SDCCAG8: variants seen among roughly 807,000 people sequenced by gnomAD.
The protein encoded by SDCCAG8 is serologically defined colon cancer antigen 8.
A neutral mutation model predicts 101.8 loss-of-function variants in SDCCAG8; 74 were observed. That is an observed-to-expected ratio of 0.73 (90% CI 0.60 to 0.88). SDCCAG8 has a LOEUF of 0.88. Among genes scored for constraint, SDCCAG8 ranks in the 40% least tolerant of loss-of-function variants. The pLI, the probability that SDCCAG8 is intolerant of heterozygous loss-of-function variation, is 0.00. For missense variants in SDCCAG8, 787 were observed against 822.6 expected (o/e 0.96, Z 0.53); for synonymous variants, 281 against 292.9 (o/e 0.96, Z 0.41).
intron 1 of SDCCAG8, among the ~76,000 whole-genome samples, chr1:243,261,782 A>C (rs1415211830): frequency 6.6e-6 from 1 of 151,910 alleles, no homozygotes; most frequent in Non-Finnish European, 1.5e-5. Context: ...CATAAACATG[A>C]GGGGTTTTTT....
chr1:243,315,509 A>C (rs1354784407), intron 8 of SDCCAG8, among the ~76,000 whole-genome samples: 2 of 152,334 alleles, frequency 1.3e-5, no homozygotes, highest in African/African-American at 4.8e-5. Context: ...TATTTGCAGC[A>C]ACTTATTCTT....
At chr1:243,375,815 T>A (rs2077567165) in intron 12 of SDCCAG8, among the ~76,000 whole-genome samples, 1 of 152,116 alleles carries the variant, frequency 6.6e-6, no homozygotes, top group African/African-American at 2.4e-5. Flanking sequence ...AGTGGGAGCA[T>A]GGCATTTCTG....
intron 1 of SDCCAG8, among the ~76,000 whole-genome samples, chr1:243,259,992 C>A (rs866241439): frequency 1.8e-4 from 27 of 152,208 alleles, no homozygotes; most frequent in Admixed American, 5.2e-4. Context: ...CCTTGATGAT[C>A]TTGGAGCAGC....
intron 13 of SDCCAG8, among the ~76,000 whole-genome samples, chr1:243,384,216 T>A (rs750079266): frequency 1.2e-4 from 19 of 152,362 alleles, no homozygotes; most frequent in Non-Finnish European, 2.2e-4. Context: ...ATCAGTATTA[T>A]ATTTCTCAGA....
At chr1:243,294,424 C>G (rs527255634) in intron 6 of SDCCAG8, among the ~76,000 whole-genome samples, 1 of 147,838 alleles carries the variant, frequency 6.8e-6, no homozygotes, top group Admixed American at 7.0e-5. Context: ...CAGAGATTTC[C>G]TTGAATTCCA....
At chr1:243,310,168 G>A (rs577556378) in intron 8 of SDCCAG8, among the ~76,000 whole-genome samples, 2 of 152,032 alleles carry the variant, frequency 1.3e-5, no homozygotes, top group Admixed American at 6.6e-5. Flanking sequence ...GGCCCGACTG[G>A]TAGTTTTTAT....
At chr1:243,332,259 A>T (rs891755411) in intron 10 of SDCCAG8, among the ~76,000 whole-genome samples, 4 of 152,250 alleles carry the variant, frequency 2.6e-5, no homozygotes. Context: ...TAAAATCCAT[A>T]TGAAGGATTT....
chr1:243,477,033 CA>C (rs1661247956), intron 16 of SDCCAG8, among the ~76,000 whole-genome samples: 2 of 150,416 alleles, frequency 1.3e-5, no homozygotes, highest in Non-Finnish European at 3.0e-5. Flanking sequence ...CACACACACA[CA>C]GAGAGAAAGG....
intron 16 of SDCCAG8, among the ~76,000 whole-genome samples, chr1:243,436,831 G>T (rs1408076500): frequency 6.6e-6 from 1 of 152,126 alleles, no homozygotes; most frequent in Non-Finnish European, 1.5e-5. Context: ...CTACACCCAT[G>T]TTAGCATTGT....
rs144619960 is a variant in SDCCAG8, at chr1:243,361,087, T to C, written c.1473+16756T>C. ...TCTCTTGGATCCTCTTTTCAACATA[T>C]TGCCATAATAAATTATTCCTCTCAG... On this transcript the variant is annotated intron_variant, in intron 12 of 17. Coordinates refer to ENST00000366541, the MANE Select transcript of SDCCAG8 (RefSeq NM_006642.5). Among the ~76,000 whole-genome samples the C allele has an allele frequency of 1.9e-4, 29 of 152,298 alleles. No homozygotes were observed. In the East Asian group the frequency reaches 5.6e-3, roughly 29 times the overall value.
chr1:243,463,807 T>C (rs1052902807), intron 16 of SDCCAG8, among the ~76,000 whole-genome samples: 10 of 152,178 alleles, frequency 6.6e-5, no homozygotes, highest in Admixed American at 2.0e-4. Flanking sequence ...TACTCCGACA[T>C]CTTCGATAGG....
intron 12 of SDCCAG8, among the ~76,000 whole-genome samples, chr1:243,374,196 CAG>C (rs2077463464): frequency 6.6e-6 from 1 of 151,800 alleles, no homozygotes; most frequent in Non-Finnish European, 1.5e-5. Context: ...AATCAGAAGA[CAG>C]AGATGGAAAA....
At chr1:243,326,735 G>C (rs2074176322) in intron 9 of SDCCAG8, among the ~76,000 whole-genome samples, 2 of 152,090 alleles carry the variant, frequency 1.3e-5, no homozygotes, top group African/African-American at 4.8e-5. Flanking sequence ...TTTTTCATAA[G>C]ATCTTAATTC....
At chr1:243,459,403 A>C (rs997861922) in intron 16 of SDCCAG8, among the ~76,000 whole-genome samples, 19 of 152,156 alleles carry the variant, frequency 1.2e-4, no homozygotes, top group African/African-American at 4.6e-4. Context: ...TCAGTGGCTA[A>C]CATGGGGCTT....
chr1:243,445,652 A>G (rs1389023792), intron 16 of SDCCAG8, among the ~76,000 whole-genome samples: 1 of 152,130 alleles, frequency 6.6e-6, no homozygotes, highest in Non-Finnish European at 1.5e-5. Context: ...TGGATAAACA[A>G]CACCCAAAAT....
intron 5 of SDCCAG8, among the ~76,000 whole-genome samples, chr1:243,289,089 A>G (rs2069947129): frequency 6.6e-6 from 1 of 152,072 alleles, no homozygotes; most frequent in African/African-American, 2.4e-5. Context: ...GATATAATAT[A>G]TATATATGAA....
chr1:243,443,596 A>G (rs142101891), intron 16 of SDCCAG8, among the ~76,000 whole-genome samples: 3 of 152,308 alleles, frequency 2.0e-5, no homozygotes, highest in African/African-American at 4.8e-5. Flanking sequence ...TCTCATTTGT[A>G]AGCTCTTAAT....
chr1:243,473,089 G>A (rs74151001), intron 16 of SDCCAG8, among the ~76,000 whole-genome samples: 1 of 151,940 alleles, frequency 6.6e-6, no homozygotes, highest in Non-Finnish European at 1.5e-5. Flanking sequence ...GGATCTCTGC[G>A]GGGGTGTGGG....
At chr1:243,451,324 C>T (rs1487741057) in intron 16 of SDCCAG8, among the ~76,000 whole-genome samples, 2 of 152,188 alleles carry the variant, frequency 1.3e-5, no homozygotes, top group Non-Finnish European at 2.9e-5. Flanking sequence ...TCATGCCATA[C>T]CTCCCTTAGA....
Sources: gnomAD v4.1 joint callset for allele counts (sites outside exome capture counted in the v4.1 genomes callset) on GRCh38, gnomAD v4.1.1 for gene constraint, MANE v1.5 for transcripts, NCBI Gene and HGNC (gene_info 2026-07-23, HGNC 2026-07-21) for gene names.